TARS3: variants seen among roughly 807,000 people sequenced by gnomAD.
TARS3 encodes the protein threonine--tRNA ligase 2, cytoplasmic.
Under a neutral mutation model 103.5 loss-of-function variants are expected in TARS3, and 94 were observed. That is an observed-to-expected ratio of 0.91 (90% CI 0.77 to 1.08). The LOEUF (loss-of-function observed/expected upper bound fraction) is 1.08, where lower values mean the gene tolerates loss of function less well. Ranked by LOEUF, TARS3 falls within the 50% of genes least tolerant of loss-of-function variation. The probability of loss-of-function intolerance (pLI) is 0.00; values close to 1 mark genes in which losing one functional copy is unlikely to be tolerated. For missense variants in TARS3, 952 were observed against 995.2 expected, an observed-to-expected ratio of 0.96 and a Z score of 0.58; for synonymous variants, 416 against 355.4, an observed-to-expected ratio of 1.17 and a Z score of -1.92.
intron 18 of TARS3, among the ~76,000 whole-genome samples, chr15:101,655,392 G>C (rs1194282015): frequency 7.6e-5 from 9 of 119,096 alleles, no homozygotes; most frequent in East Asian, 2.8e-4. Context: ...CAGGCTCACA[G>C]TGACTCCACC....
At chr15:101,681,132 T>C (rs527914944) in intron 12 of TARS3, among the ~76,000 whole-genome samples, 1 of 152,376 alleles carries the variant, frequency 6.6e-6, no homozygotes, top group South Asian at 2.1e-4. Context: ...TTCTAGACTC[T>C]GTTTTGCTGA....
At chr15:101,693,846 G>A (rs62027598) in intron 10 of TARS3, among the ~76,000 whole-genome samples, 23,209 of 152,074 alleles carry the variant, frequency 0.15, 2,150 homozygotes, top group Non-Finnish European at 0.21. Flanking sequence ...TATTTTAGGG[G>A]TAGAGAAAAA....
In TARS3 at chr15:101,684,144, A is replaced by T. The variant is rs1323986352; in HGVS notation, c.1581T>A (p.Thr527=). The change falls in exon 12 of 19, where the codon ACT becomes ACA. Residue 527 remains threonine (T), a synonymous_variant. Transcript: ENST00000335968. ...GVLHRNELSG[T]LSGLTRVRRF... ...GCCTCACTCTGGTCAAGCCGCTGAG[A>T]GTCCCCGACAGTTCATTTCTATGCA... The T allele has an allele frequency of 6.2e-7, 1 of 1,614,068 alleles. No individual in the cohort carries two copies. The highest frequency in any genetic ancestry group is 1.1e-5 in the South Asian group (1 of 91,072).
At chr15:101,685,706 T>C (rs1455482249) in intron 11 of TARS3, among the ~76,000 whole-genome samples, 190 bp downstream of exon 11, 1 of 152,188 alleles carries the variant, frequency 6.6e-6, no homozygotes, top group Non-Finnish European at 1.5e-5. Context: ...TAACATCCCA[T>C]ACCTGCCAAA....
intron 3 of TARS3, among the ~76,000 whole-genome samples, chr15:101,719,740 A>T (rs1596332087): frequency 6.6e-6 from 1 of 152,332 alleles, no homozygotes; most frequent in African/African-American, 2.4e-5. Context: ...CCACCGCTAG[A>T]CACAAAGAAA....
intron 6 of TARS3, among the ~76,000 whole-genome samples, chr15:101,708,158 C>A (rs1245624412): frequency 3.6e-5 from 5 of 139,452 alleles, no homozygotes; most frequent in Admixed American, 3.1e-4. Flanking sequence ...ACGAGAATTG[C>A]TTGAATCCAG....
chr15:101,686,173 T>C (rs1898467426), intron 10 of TARS3, 111 bp from the exon 11 acceptor site: 1 of 933,048 alleles, frequency 1.1e-6, no homozygotes, highest in Non-Finnish European at 1.6e-6. Context: ...CTATATTAAT[T>C]CATGATTAAT....
intron 4 of TARS3, among the ~76,000 whole-genome samples, chr15:101,712,395 C>A (rs1158216025): frequency 6.6e-6 from 1 of 152,162 alleles, no homozygotes; most frequent in Non-Finnish European, 1.5e-5. Flanking sequence ...TAGCTGTCTT[C>A]TTTTTCTCCA....
chr15:101,654,212 AT>A lies in TARS3; in HGVS notation c.*369del, dbSNP rs748275813. On this transcript the variant is annotated 3_prime_UTR_variant, in exon 19 of 19. Coordinates refer to ENST00000335968, the MANE Select transcript of TARS3 (RefSeq NM_152334.3). The stretch of plus-strand genomic sequence containing the variant: ...TACCTGAGACATATTAGAAAATAAG[AT>A]TTTCCCTCCTATTTAAAAAAAACTC... 9 of 170,728 alleles carry A rather than the reference AT, an allele frequency of 5.3e-5. No homozygotes were observed. In the South Asian group the frequency reaches 7.3e-4, roughly 14 times the overall value. 10.6% of individuals were successfully genotyped at this position (170,728 alleles called of 1,614,324 possible).
intron 11 of TARS3, 135 bp from the exon 12 acceptor site, chr15:101,684,372 A>G: frequency 1.2e-6 from 1 of 857,616 alleles, no homozygotes; most frequent in South Asian, 2.7e-5. Context: ...CCAGGTTAAA[A>G]AAAAAATTCT....
intron 18 of TARS3, among the ~76,000 whole-genome samples, chr15:101,656,657 T>C (rs950031783): frequency 1.8e-4 from 28 of 152,172 alleles, no homozygotes; most frequent in Admixed American, 8.5e-4. Context: ...TCAGAGTTGT[T>C]TTCGTTGTTT....
At chr15:101,705,846 A>T in intron 6 of TARS3, 99 bp from the exon 7 acceptor site, 1 of 997,300 alleles carries the variant, frequency 1.0e-6, no homozygotes, top group Non-Finnish European at 1.5e-6. Context: ...TCATCTACTG[A>T]TGTTCTAGGT....
chr15:101,679,928 C>A (rs548975045), intron 12 of TARS3, among the ~76,000 whole-genome samples: 1 of 152,298 alleles, frequency 6.6e-6, no homozygotes, highest in South Asian at 2.1e-4. Context: ...CTTTACTGCA[C>A]ACAGAAAGCA....
chr15:101,716,435 A>T (rs1181794159), intron 3 of TARS3, among the ~76,000 whole-genome samples: 1 of 152,142 alleles, frequency 6.6e-6, no homozygotes. Context: ...ATATTAATAT[A>T]TAGGAATAAA....
At chr15:101,665,149 G>A (rs572949) in intron 15 of TARS3, among the ~76,000 whole-genome samples, 1 of 152,342 alleles carries the variant, frequency 6.6e-6, no homozygotes, top group East Asian at 1.9e-4. Flanking sequence ...CTGCGTCCCA[G>A]AAGGAGCGGA....
At chr15:101,708,366 G>A (rs1240510818) in intron 6 of TARS3, among the ~76,000 whole-genome samples, 4 of 150,342 alleles carry the variant, frequency 2.7e-5, no homozygotes, top group Admixed American at 6.7e-5. Context: ...ATTTAAGTAC[G>A]TTGGTCAAAA....
chr15:101,672,178 G>T (rs777694411), intron 13 of TARS3, among the ~76,000 whole-genome samples: 9 of 152,004 alleles, frequency 5.9e-5, no homozygotes, highest in Non-Finnish European at 1.2e-4. Flanking sequence ...AGGCCAAGAG[G>T]GCAGGCCTTA....
intron 3 of TARS3, among the ~76,000 whole-genome samples, chr15:101,715,331 A>G (rs1018493434): frequency 7.9e-5 from 12 of 151,702 alleles, no homozygotes; most frequent in Non-Finnish European, 1.6e-4. Context: ...TATTTTTAGT[A>G]GAGACGGGGT....
Position 101,724,268 on chromosome 15 carries a change from G to A in TARS3, c.120C>T (p.Pro40=), listed in dbSNP as rs1488735841. 10 of 1,570,452 alleles carry A rather than the reference G, an allele frequency of 6.4e-6. No homozygotes were observed. In the African/African-American group the frequency reaches 9.7e-5, roughly 15 times the overall value. ...ERLRDEQLNA[P]YSCQAEGPCL... is the part of the protein sequence containing the mutation. ...ACGGCCCCTCCGCCTGGCAGCTGTA[G>A]GGCGCGTTCAGCTGCTCGTCCCTCA... The change falls in exon 1 of 19, where the codon CCC becomes CCT. Residue 40 remains proline, a synonymous_variant. Transcript: ENST00000335968.
Sources: gnomAD v4.1 joint callset for allele counts (sites outside exome capture counted in the v4.1 genomes callset) on GRCh38, gnomAD v4.1.1 for gene constraint, MANE v1.5 for transcripts, NCBI Gene and HGNC (gene_info 2026-07-23, HGNC 2026-07-21) for gene names.